ZBTB20: variants seen among roughly 807,000 people sequenced by gnomAD.
ZBTB20 encodes zinc finger and BTB domain-containing protein 20.
In ZBTB20, 9 loss-of-function variants were observed where a neutral mutation model predicts 56.9. The observed-to-expected ratio is 0.16, with a 90% CI of 0.10 to 0.28. The LOEUF is 0.28. Among genes scored for constraint, ZBTB20 ranks in the 10% least tolerant of loss-of-function variants. ZBTB20 has a pLI of 1.00. For missense variants in ZBTB20, 655 were observed against 1,003.0 expected, an observed-to-expected ratio of 0.65 and a Z score of 4.69; for synonymous variants, 417 against 420.7, an observed-to-expected ratio of 0.99 and a Z score of 0.11.
chr3:115,029,647 AT>A (rs535198639), intron 2 of ZBTB20, among the ~76,000 whole-genome samples: 21 of 150,756 alleles, frequency 1.4e-4, no homozygotes, highest in African/African-American at 3.9e-4. Context: ...AAAAACATAG[AT>A]TTTTTTTCAA....
Position 114,334,750 on chromosome 3 carries a change from T to G in ZBTB20, c.*4255A>C, listed in dbSNP as rs2079391265. 1 of 152,176 alleles carries G rather than the reference T, an allele frequency of 6.6e-6. No individual in the cohort carries two copies. The highest frequency in any genetic ancestry group is 1.5e-5 in the Non-Finnish European group (1 of 68,040). The allele number at this position is 152,176 out of a possible 1,614,324, so 9.4% of individuals were successfully genotyped here. On this transcript the variant is annotated 3_prime_UTR_variant, in exon 12 of 12. Transcript: ENST00000675478. ...ATGAGCAGGAAATTATCCAGCACAC[T>G]TAATCATGGCACAAATAGATTCAAA...
At chr3:114,525,586 G>T (rs1426125195) in intron 6 of ZBTB20, among the ~76,000 whole-genome samples, 1 of 151,874 alleles carries the variant, frequency 6.6e-6, no homozygotes, top group Non-Finnish European at 1.5e-5. Context: ...CTAAAATCCT[G>T]CTATCCCTAA....
chr3:114,329,510 T>C lies in ZBTB20; in HGVS notation c.*9495A>G, dbSNP rs1257138014. 6.6e-6 allele frequency: 1 copy of C among 152,086 alleles called. No homozygotes were observed. 9.4% of individuals were successfully genotyped at this position (152,086 alleles called of 1,614,324 possible). ...AGAATGCCTGATTTCTGAAGTTTTC[T>C]TGATGGCCCAACTAAAGAAGAAAGG... On this transcript the variant is annotated 3_prime_UTR_variant, in exon 12 of 12. Transcript: ENST00000675478.
At chr3:114,535,867 T>C (rs182453168) in intron 6 of ZBTB20, among the ~76,000 whole-genome samples, 2 of 152,162 alleles carry the variant, frequency 1.3e-5, no homozygotes, top group Non-Finnish European at 2.9e-5. Context: ...TAATCCATTA[T>C]ATAAGCAGTT....
chr3:115,125,574 G>A (rs1288398537), intron 1 of ZBTB20, among the ~76,000 whole-genome samples: 1 of 152,100 alleles, frequency 6.6e-6, no homozygotes, highest in Non-Finnish European at 1.5e-5. Flanking sequence ...GATGGTGGGT[G>A]GGGAGATGGG....
At chr3:114,572,959 T>C (rs2053596492) in intron 6 of ZBTB20, among the ~76,000 whole-genome samples, 1 of 152,258 alleles carries the variant, frequency 6.6e-6, no homozygotes, top group East Asian at 1.9e-4. Flanking sequence ...TGACATACTG[T>C]GTCCTTTATT....
intron 6 of ZBTB20, among the ~76,000 whole-genome samples, chr3:114,537,122 C>A (rs1289276015): frequency 2.0e-5 from 3 of 151,840 alleles, no homozygotes; most frequent in Non-Finnish European, 4.4e-5. Flanking sequence ...TGGCAAAAAA[C>A]CCAAAACTGA....
intron 7 of ZBTB20, among the ~76,000 whole-genome samples, chr3:114,432,482 C>T (rs750973347): frequency 1.2e-4 from 19 of 152,330 alleles, no homozygotes; most frequent in Middle Eastern, 3.4e-3. Context: ...TGGCATGGCA[C>T]AGTCAAGATG....
chr3:114,979,887 G>A (rs1052278984), intron 2 of ZBTB20, among the ~76,000 whole-genome samples: 2 of 151,904 alleles, frequency 1.3e-5, no homozygotes, highest in African/African-American at 4.8e-5. Context: ...TATTCTCAAA[G>A]AACATTTCAT....
At chr3:115,057,786 A>T (rs1432945773) in intron 2 of ZBTB20, among the ~76,000 whole-genome samples, 1 of 152,136 alleles carries the variant, frequency 6.6e-6, no homozygotes, top group Non-Finnish European at 1.5e-5. Flanking sequence ...TTTATTTTAT[A>T]GAATTCTAGG....
intron 6 of ZBTB20, among the ~76,000 whole-genome samples, chr3:114,579,569 T>G (rs1264363736): frequency 6.6e-6 from 1 of 151,166 alleles, no homozygotes; most frequent in Non-Finnish European, 1.5e-5. Flanking sequence ...GAAATAACGC[T>G]AATGCTGATA....
At chr3:115,053,932 C>G (rs76596499) in intron 2 of ZBTB20, among the ~76,000 whole-genome samples, 1 of 152,204 alleles carries the variant, frequency 6.6e-6, no homozygotes, top group South Asian at 2.1e-4. Context: ...TTGCAAAAAA[C>G]TCTCCCATAA....
At chr3:114,920,940 A>G (rs943939788) in intron 3 of ZBTB20, among the ~76,000 whole-genome samples, 9 of 152,314 alleles carry the variant, frequency 5.9e-5, no homozygotes, top group South Asian at 4.1e-4. Flanking sequence ...ACAGGATTAT[A>G]AAAAGACTAC....
chr3:114,575,678 A>G (rs1234628469), intron 6 of ZBTB20, among the ~76,000 whole-genome samples: 2 of 152,178 alleles, frequency 1.3e-5, no homozygotes, highest in African/African-American at 4.8e-5. Context: ...GTGGGCTGTC[A>G]TCCATTTAAT....
chr3:114,410,352 A>T (rs1441341515), intron 7 of ZBTB20, among the ~76,000 whole-genome samples: 1 of 152,158 alleles, frequency 6.6e-6, no homozygotes, highest in African/African-American at 2.4e-5. Context: ...CTATTAAGAT[A>T]AGAAAATTCA....
At chr3:114,586,498 T>C (rs147789553) in intron 6 of ZBTB20, among the ~76,000 whole-genome samples, 29 of 152,344 alleles carry the variant, frequency 1.9e-4, no homozygotes, top group African/African-American at 6.3e-4. Flanking sequence ...TGATTTAGCA[T>C]ATGACTGTTT....
chr3:115,141,956 G>A (rs1415489109), intron 1 of ZBTB20, among the ~76,000 whole-genome samples: 1 of 152,066 alleles, frequency 6.6e-6, no homozygotes, highest in East Asian at 1.9e-4. Context: ...ACTATCTTAG[G>A]TGGATATAAG....
chr3:114,715,333 C>T (rs1270684271), intron 5 of ZBTB20, among the ~76,000 whole-genome samples: 1 of 152,220 alleles, frequency 6.6e-6, no homozygotes, highest in Admixed American at 6.5e-5. Context: ...GCCCCTTCCT[C>T]TAGCCACCTT....
rs1321787856 is a variant in ZBTB20 at position 115,031,570 on chromosome 3, A to G, written c.-507+39649T>C. On this transcript the variant is annotated intron_variant, in intron 2 of 11. Coordinates refer to ENST00000675478, the MANE Select transcript of ZBTB20 (RefSeq NM_001348800.3). Reference sequence around the variant, plus strand: ...ATGAGATTTAAATTACTTAATGCCAAAAAGGAAAGTCATCTTTTTCTCCTT... The same window carrying G: ...ATGAGATTTAAATTACTTAATGCCAGAAAGGAAAGTCATCTTTTTCTCCTT... Among the ~76,000 whole-genome samples, 6 of 151,578 alleles carry G rather than the reference A, an allele frequency of 4.0e-5. No individual in the cohort carries two copies. The South Asian group carries it at 1.2e-3, about 31-fold the overall frequency.
Sources: gnomAD v4.1 joint callset for allele counts (sites outside exome capture counted in the v4.1 genomes callset) on GRCh38, gnomAD v4.1.1 for gene constraint, MANE v1.5 for transcripts, NCBI Gene and HGNC (gene_info 2026-07-23, HGNC 2026-07-21) for gene names.